NRXN1: variants seen among roughly 807,000 people sequenced by gnomAD.
The protein encoded by NRXN1 is neurexin 1, also known as neurexin-1.
In NRXN1, 39 loss-of-function variants were observed where a neutral mutation model predicts 150.9. That is an observed-to-expected ratio of 0.26 (90% CI 0.20 to 0.34). NRXN1 has a LOEUF of 0.34. Ranked by LOEUF, NRXN1 falls within the 10% of genes least tolerant of loss-of-function variation. The pLI is 1.00. For missense variants in NRXN1, 1,815 were observed against 1,949.9 expected (o/e 0.93, Z 1.30); for synonymous variants, 924 against 757.0 (o/e 1.22, Z -3.62).
At chr2:50,199,165 T>A (rs893827796) in intron 18 of NRXN1, 6 of 152,178 alleles carry the variant, frequency 3.9e-5, no homozygotes, top group Non-Finnish European at 7.3e-5. Context: ...TATTTCACGT[T>A]AGCTGGATGA....
At chr2:50,934,686 A>G (rs954101326) in intron 2 of NRXN1, among the ~76,000 whole-genome samples, 1 of 152,166 alleles carries the variant, frequency 6.6e-6, no homozygotes, top group African/African-American at 2.4e-5. Context: ...TGTACATATT[A>G]TTTGTTCTTT....
chr2:50,527,675 C>T (rs759507), intron 12 of NRXN1, among the ~76,000 whole-genome samples: 41,278 of 151,934 alleles, frequency 0.27, 6,623 homozygotes, highest in Non-Finnish European at 0.35. Flanking sequence ...AAGTTTAAGA[C>T]CTCTATTTGT....
At chr2:50,070,789 A>C (rs925535115) in intron 19 of NRXN1, among the ~76,000 whole-genome samples, 3 of 150,826 alleles carry the variant, frequency 2.0e-5, no homozygotes, top group African/African-American at 7.3e-5. Flanking sequence ...AAAAAAAAAA[A>C]CCTGTAATTG....
At chr2:50,750,836 C>A (rs544107188) in intron 5 of NRXN1, among the ~76,000 whole-genome samples, 1 of 152,114 alleles carries the variant, frequency 6.6e-6, no homozygotes, top group South Asian at 2.1e-4. Context: ...ATGTGCAGAA[C>A]GTCATTCTTA....
At chr2:50,398,452 TAG>T (rs1238613010) in intron 17 of NRXN1, among the ~76,000 whole-genome samples, 3 of 151,842 alleles carry the variant, frequency 2.0e-5, no homozygotes, top group Admixed American at 6.6e-5. Context: ...AAACTGAAAA[TAG>T]AGTGAACAAG....
chr2:50,903,290 C>T (rs1285704844), intron 5 of NRXN1, among the ~76,000 whole-genome samples: 3 of 152,172 alleles, frequency 2.0e-5, no homozygotes, highest in Non-Finnish European at 4.4e-5. Flanking sequence ...AATTTTAACT[C>T]TCTCTTTAGT....
chr2:50,156,633 A>C (rs185595311), intron 18 of NRXN1, among the ~76,000 whole-genome samples: 426 of 152,066 alleles, frequency 2.8e-3, no homozygotes, highest in Admixed American at 5.4e-3. Context: ...CAATTCAGTG[A>C]AAAAAGAAAA....
rs2090570597 is a variant in NRXN1, at chr2:50,482,827, G to A, written c.3071-10356C>T. ...AAAGAATCTGGCCAACAGGCGCGGT[G>A]GCTCAGGCCTATAATCCCAGCACTT... On this transcript the variant is annotated intron_variant, in intron 15 of 22. Transcript: ENST00000401669. 2.0e-5 allele frequency among the ~76,000 whole-genome samples: 3 copies of A among 152,004 alleles called. No homozygotes were observed. In the South Asian group the frequency reaches 6.2e-4, roughly 32 times the overall value.
intron 2 of NRXN1, among the ~76,000 whole-genome samples, chr2:50,956,892 G>C (rs1375492987): frequency 6.6e-6 from 1 of 152,076 alleles, no homozygotes; most frequent in Admixed American, 6.5e-5. Flanking sequence ...ATACACGGAA[G>C]CTCAAGGATG....
At chr2:50,966,188 T>C (rs961361672) in intron 2 of NRXN1, among the ~76,000 whole-genome samples, 2 of 151,710 alleles carry the variant, frequency 1.3e-5, no homozygotes, top group African/African-American at 4.8e-5. Flanking sequence ...CATTTATCTC[T>C]AAAGTACTTA....
intron 5 of NRXN1, among the ~76,000 whole-genome samples, chr2:50,822,550 C>A (rs1444993229): frequency 1.3e-5 from 2 of 152,052 alleles, no homozygotes; most frequent in African/African-American, 2.4e-5. Flanking sequence ...CTTTAATGAC[C>A]TTACAGCCAA....
chr2:50,380,070 C>T (rs2080838189), intron 17 of NRXN1, among the ~76,000 whole-genome samples: 1 of 152,058 alleles, frequency 6.6e-6, no homozygotes, highest in African/African-American at 2.4e-5. Context: ...TAAAGCTTGG[C>T]TGATGAAATG....
At chr2:50,968,553 G>C (rs2104763072) in intron 2 of NRXN1, among the ~76,000 whole-genome samples, 1 of 151,998 alleles carries the variant, frequency 6.6e-6, no homozygotes, top group South Asian at 2.1e-4. Context: ...TCCTGTTTCT[G>C]ACTCAATAAT....
chr2:50,140,644 C>T (rs1166558987), intron 18 of NRXN1, among the ~76,000 whole-genome samples: 5 of 150,854 alleles, frequency 3.3e-5, no homozygotes, highest in Admixed American at 6.7e-5. Context: ...CCACTTTGTT[C>T]GATATTCTGA....
intron 5 of NRXN1, among the ~76,000 whole-genome samples, chr2:50,706,888 T>C (rs1694521149): frequency 1.3e-5 from 2 of 152,042 alleles, no homozygotes; most frequent in Non-Finnish European, 2.9e-5. Context: ...TTATCCTTCA[T>C]TGTTTAACAT....
At chr2:50,894,626 C>T (rs1207633250) in intron 5 of NRXN1, among the ~76,000 whole-genome samples, 3 of 152,164 alleles carry the variant, frequency 2.0e-5, no homozygotes, top group East Asian at 1.9e-4. Flanking sequence ...ACATTTAACA[C>T]CTCAGTCCAT....
chr2:50,160,518 G>C (rs1002577464), intron 18 of NRXN1, among the ~76,000 whole-genome samples: 4 of 151,772 alleles, frequency 2.6e-5, no homozygotes, highest in Non-Finnish European at 5.9e-5. Flanking sequence ...TCCAGTCTGG[G>C]CAACAAGAGC....
At chr2:50,413,279 G>C (rs575400082) in intron 17 of NRXN1, among the ~76,000 whole-genome samples, 14 of 152,188 alleles carry the variant, frequency 9.2e-5, no homozygotes, top group Admixed American at 1.3e-4. Context: ...CAAAAGACTT[G>C]AATAGACATT....
intron 21 of NRXN1, among the ~76,000 whole-genome samples, chr2:50,007,479 G>A (rs534734999): frequency 2.6e-5 from 4 of 152,232 alleles, no homozygotes; most frequent in African/African-American, 9.6e-5. Flanking sequence ...AGAACACACA[G>A]TATTTGGTTT....
Sources: allele counts gnomAD v4.1 joint callset (sites outside exome capture counted in the v4.1 genomes callset), GRCh38; gene constraint gnomAD v4.1.1; transcripts MANE v1.5; gene names NCBI Gene and HGNC (gene_info 2026-07-23, HGNC 2026-07-21).